The following BLTP1 variants were observed in gnomAD, a reference collection of about 807,000 sequenced individuals.
BLTP1 encodes the protein bridge-like lipid transfer protein family member 1, also known as fragile site-associated protein.
At chr4:122,212,188 A>G in the BLTP1 span, 17 of 304,404 alleles carry the variant, frequency 5.6e-5, no homozygotes, top group Non-Finnish European at 7.7e-5. Context: ...TAGCATCTCA[A>G]TATTTGAGTT....
chr4:122,164,865 A>G, the BLTP1 span, among the ~76,000 whole-genome samples: 1 of 152,282 alleles, frequency 6.6e-6, no homozygotes, highest in African/African-American at 2.4e-5. Flanking sequence ...AAATACACCC[A>G]TGTCTCTGCA....
At chr4:122,183,124 C>T in the BLTP1 span, 2 of 683,952 alleles carry the variant, frequency 2.9e-6, no homozygotes, top group Non-Finnish European at 3.6e-6. Flanking sequence ...TTGCTTGAGC[C>T]CAGAAGTTTG....
the BLTP1 span, chr4:122,227,277 A>C: frequency 2.0e-6 from 2 of 988,702 alleles, no homozygotes; most frequent in Non-Finnish European, 2.4e-6. Flanking sequence ...TCCTGACTCC[A>C]CATGTTATGC....
chr4:122,163,661 T>G, the BLTP1 span, among the ~76,000 whole-genome samples: 1 of 152,298 alleles, frequency 6.6e-6, no homozygotes, highest in Admixed American at 6.5e-5. Context: ...ACACTATAAC[T>G]CTATGAGATA....
chr4:122,214,189 A>T, the BLTP1 span: 1 of 964,822 alleles, frequency 1.0e-6, no homozygotes, highest in African/African-American at 1.8e-5. Flanking sequence ...AGAAATGAGC[A>T]TCATTGGATA....
chr4:122,245,994 C>T, the BLTP1 span: 4 of 403,440 alleles, frequency 9.9e-6, no homozygotes, highest in Non-Finnish European at 1.3e-5. Flanking sequence ...TTTTTCCTAG[C>T]TTATCGAAAG....
chr4:122,307,497 T>C, the BLTP1 span: 4 of 985,388 alleles, frequency 4.1e-6, no homozygotes, highest in Non-Finnish European at 4.8e-6. Flanking sequence ...GGTTTGTTTC[T>C]GTTTAACAAA....
At chr4:122,199,972 GATT>G in the BLTP1 span, 155 of 968,000 alleles carry the variant, frequency 1.6e-4, no homozygotes, top group East Asian at 2.3e-4. Context: ...TAATCAAGCA[GATT>G]ATTATTATTA....
At chr4:122,339,144 T>C in the BLTP1 span, 1 of 1,518,994 alleles carries the variant, frequency 6.6e-7, no homozygotes, top group Non-Finnish European at 8.9e-7. Context: ...TTCAATATTA[T>C]TTCTATTTAA....
the BLTP1 span, chr4:122,268,991 T>G: frequency 5.9e-6 from 2 of 341,612 alleles, no homozygotes; most frequent in Admixed American, 1.3e-4. Context: ...TATCGCCTTA[T>G]TGGGAGACTT....
the BLTP1 span, chr4:122,331,879 G>C: frequency 1.6e-6 from 1 of 616,800 alleles, no homozygotes; most frequent in Non-Finnish European, 2.0e-6. Flanking sequence ...ACAATGCTCA[G>C]AAGTATCTTG....
the BLTP1 span, chr4:122,199,393 T>C: frequency 1.2e-6 from 2 of 1,613,708 alleles, no homozygotes; most frequent in Non-Finnish European, 1.7e-6. Flanking sequence ...AACTCTTACA[T>C]GTGGATGCCA....
At chr4:122,254,674 A>G in the BLTP1 span, 1 of 1,193,888 alleles carries the variant, frequency 8.4e-7, no homozygotes, top group African/African-American at 1.6e-5. Context: ...TTCATAATTT[A>G]TCAGTGCTCA....
chr4:122,350,584 A>G, the BLTP1 span, among the ~76,000 whole-genome samples: 4 of 152,226 alleles, frequency 2.6e-5, no homozygotes, highest in African/African-American at 9.6e-5. Context: ...AACTAAATAT[A>G]TAAGATAATT....
chr4:122,340,899 A>G, the BLTP1 span: 5 of 864,138 alleles, frequency 5.8e-6, no homozygotes, highest in Non-Finnish European at 7.0e-6. Flanking sequence ...TAGTGTTGTC[A>G]GCGATAACAC....
At chr4:122,235,285 A>G in the BLTP1 span, 1 of 929,736 alleles carries the variant, frequency 1.1e-6, no homozygotes, top group Non-Finnish European at 1.3e-6. Context: ...TTTTTTCTAA[A>G]TATTTCCTTA....
chr4:122,263,004 A>G, the BLTP1 span: 1 of 1,608,058 alleles, frequency 6.2e-7, no homozygotes, highest in Non-Finnish European at 8.5e-7. Context: ...TAGATTTGAT[A>G]ATTACATGTT....
the BLTP1 span, among the ~76,000 whole-genome samples, chr4:122,329,402 A>C: frequency 2.4e-4 from 36 of 151,614 alleles, no homozygotes; most frequent in East Asian, 7.0e-3. Flanking sequence ...ACATTTTTAG[A>C]ATCTTGTCAT....
At chr4:122,257,445 G>A in the BLTP1 span, 10 of 1,613,914 alleles carry the variant, frequency 6.2e-6, no homozygotes, top group Non-Finnish European at 8.5e-7. Flanking sequence ...AATGGGGGTG[G>A]TCTTCAAAGT....
Sources: allele counts gnomAD v4.1 joint callset (sites outside exome capture counted in the v4.1 genomes callset), GRCh38; gene constraint gnomAD v4.1.1; transcripts MANE v1.5; gene names NCBI Gene and HGNC (gene_info 2026-07-23, HGNC 2026-07-21).